The following ROR1 variants were observed in gnomAD, a reference collection of about 807,000 sequenced individuals.
ROR1 encodes the protein ROR family WNT receptor 1.
A neutral mutation model predicts 78.8 loss-of-function variants in ROR1; 19 were observed. The ratio of observed to expected loss-of-function variants is 0.24; its 90% CI spans 0.17 to 0.35. The LOEUF (loss-of-function observed/expected upper bound fraction) is 0.35, where lower values mean the gene tolerates loss of function less well. ROR1 is among the 10% of genes least tolerant of loss of function. The probability of loss-of-function intolerance (pLI) is 1.00; values close to 1 mark genes in which losing one functional copy is unlikely to be tolerated. For synonymous variants in ROR1, 386 were observed against 433.6 expected (o/e 0.89, Z 1.36); for missense variants, 917 against 1,177.8 (o/e 0.78, Z 3.24).
chr1:64,135,272 T>G (rs1569833700), intron 4 of ROR1, among the ~76,000 whole-genome samples: 1 of 152,156 alleles, frequency 6.6e-6, no homozygotes, highest in South Asian at 2.1e-4. Flanking sequence ...TTTTTAAGAG[T>G]CTTGAACTGG....
At chr1:63,784,138 T>A (rs1644670272) in intron 1 of ROR1, among the ~76,000 whole-genome samples, 1 of 152,210 alleles carries the variant, frequency 6.6e-6, no homozygotes, top group Admixed American at 6.5e-5. Context: ...TGTATAGGGC[T>A]TTGCAGCTTA....
intron 2 of ROR1, among the ~76,000 whole-genome samples, chr1:64,044,353 C>T (rs1646767829): frequency 2.6e-5 from 4 of 152,110 alleles, no homozygotes; most frequent in South Asian, 2.1e-4. Context: ...CTCTGAACTG[C>T]GGTTTACCCA....
chr1:64,061,994 C>G (rs1646920457), intron 4 of ROR1, among the ~76,000 whole-genome samples: 1 of 152,176 alleles, frequency 6.6e-6, no homozygotes, highest in African/African-American at 2.4e-5. Flanking sequence ...TATCTAGTTA[C>G]TTTCAAACAG....
chr1:64,129,259 G>A (rs188992589), intron 4 of ROR1, among the ~76,000 whole-genome samples: 29 of 152,028 alleles, frequency 1.9e-4, no homozygotes, highest in African/African-American at 6.5e-4. Context: ...AGATGTCCCT[G>A]AATTCCATTT....
Position 63,789,414 on chromosome 1 carries a change from C to T in ROR1, c.91+14906C>T, listed in dbSNP as rs867851563. The T allele has an allele frequency of 1.2e-4, 40 of 328,352 alleles. No individual in the cohort carries two copies. In the South Asian group the frequency reaches 1.3e-3, roughly 10 times the overall value. 20.3% of individuals were successfully genotyped at this position (328,352 alleles called of 1,614,324 possible). A position where few individuals can be genotyped will look rare whatever the true frequency, so the allele number is the denominator to read the frequency against. ...GTGAATGGGGACACCTGAGCACTGCCTGCTGTCGGGACTGGGCACTGCCTA... is the reference window on the plus strand; with the variant it reads ...GTGAATGGGGACACCTGAGCACTGCTTGCTGTCGGGACTGGGCACTGCCTA... On this transcript the variant is annotated intron_variant, in intron 1 of 8. Coordinates refer to ENST00000371079, the MANE Select transcript of ROR1 (RefSeq NM_005012.4).
intron 1 of ROR1, among the ~76,000 whole-genome samples, chr1:63,859,394 G>T (rs1285105962): frequency 6.6e-6 from 1 of 152,116 alleles, no homozygotes; most frequent in Admixed American, 6.6e-5. Context: ...ACCACATTCT[G>T]CAAAGCTTAC....
At chr1:63,831,599 C>G (rs1411674806) in intron 1 of ROR1, among the ~76,000 whole-genome samples, 1 of 152,200 alleles carries the variant, frequency 6.6e-6, no homozygotes, top group Non-Finnish European at 1.5e-5. Context: ...GGAGGGACCC[C>G]TGGCCCACAA....
intron 1 of ROR1, among the ~76,000 whole-genome samples, chr1:63,963,878 G>A (rs74078163): frequency 0.023 from 3,502 of 152,270 alleles, 146 homozygotes; most frequent in African/African-American, 0.08. Flanking sequence ...ACCAGCATCC[G>A]TCTTTCTAAG....
intron 2 of ROR1, among the ~76,000 whole-genome samples, chr1:64,025,303 G>A (rs968128324): frequency 9.9e-5 from 15 of 152,120 alleles, no homozygotes; most frequent in South Asian, 4.1e-4. Flanking sequence ...CGTGATTCCC[G>A]TCTTCCAGAA....
At chr1:63,989,117 A>C (rs1646273971) in intron 1 of ROR1, among the ~76,000 whole-genome samples, 1 of 150,264 alleles carries the variant, frequency 6.7e-6, no homozygotes, top group Non-Finnish European at 1.5e-5. Context: ...GCAGTGCATA[A>C]GCATTCCAGT....
intron 1 of ROR1, among the ~76,000 whole-genome samples, chr1:63,907,789 CAT>C (rs1487620088): frequency 2.0e-5 from 3 of 152,144 alleles, no homozygotes; most frequent in African/African-American, 7.2e-5. Context: ...AAGGTGAAAA[CAT>C]GTGTTCCAAT....
intron 4 of ROR1, among the ~76,000 whole-genome samples, chr1:64,080,690 A>G (rs1647093942): frequency 1.3e-5 from 2 of 152,244 alleles, no homozygotes; most frequent in South Asian, 4.1e-4. Flanking sequence ...AAAAAACATC[A>G]GACATTTCCC....
chr1:63,866,965 A>T (rs1319739050), intron 1 of ROR1, among the ~76,000 whole-genome samples: 1 of 152,258 alleles, frequency 6.6e-6, no homozygotes, highest in Non-Finnish European at 1.5e-5. Flanking sequence ...CAGATAACAT[A>T]GATGAAATCA....
intron 8 of ROR1, among the ~76,000 whole-genome samples, chr1:64,174,083 G>A (rs748953316): frequency 1.3e-5 from 2 of 152,064 alleles, no homozygotes; most frequent in Non-Finnish European, 2.9e-5. Flanking sequence ...TAAATCATTT[G>A]CATTACTTTA....
intron 1 of ROR1, among the ~76,000 whole-genome samples, chr1:63,851,051 C>A (rs1460511564): frequency 6.6e-6 from 1 of 152,212 alleles, no homozygotes; most frequent in Non-Finnish European, 1.5e-5. Flanking sequence ...ACGATCTAGG[C>A]TCACTGCAAC....
At chr1:63,868,509 G>A (rs1292773467) in intron 1 of ROR1, among the ~76,000 whole-genome samples, 5 of 152,160 alleles carry the variant, frequency 3.3e-5, no homozygotes, top group Non-Finnish European at 4.4e-5. Flanking sequence ...TTGGCTTTGG[G>A]CAATTTACTT....
At position 64,123,657 on chromosome 1, in the gene ROR1, A is replaced by G. The variant is rs537617061; in HGVS notation, c.483-13712A>G. 4.0e-5 allele frequency among the ~76,000 whole-genome samples: 6 copies of G among 148,566 alleles called. No homozygotes were observed. The South Asian group carries it at 1.3e-3, about 33-fold the overall frequency. ...AGGTGAACATATGAAAAAGATGTTT[A>G]ACTTTACTAAGGATAAAAAACGAGG... is the stretch of plus-strand genomic sequence containing the variant. On this transcript the variant is annotated intron_variant, in intron 4 of 8. Transcript: ENST00000371079.
chr1:63,952,680 C>G (rs77224784), intron 1 of ROR1, among the ~76,000 whole-genome samples: 2,027 of 152,094 alleles, frequency 0.013, 45 homozygotes, highest in African/African-American at 0.047. Context: ...TGAAGCCAGG[C>G]CAGGGGAATT....
chr1:63,784,374 C>A (rs1644671419), intron 1 of ROR1, among the ~76,000 whole-genome samples: 1 of 152,156 alleles, frequency 6.6e-6, no homozygotes, highest in Non-Finnish European at 1.5e-5. Flanking sequence ...CTCTAATATA[C>A]TGATATATGA....
Sources: allele counts gnomAD v4.1 joint callset (sites outside exome capture counted in the v4.1 genomes callset), GRCh38; gene constraint gnomAD v4.1.1; transcripts MANE v1.5; gene names NCBI Gene and HGNC (gene_info 2026-07-23, HGNC 2026-07-21).